COPG2: variants seen among roughly 807,000 people sequenced by gnomAD.
COPG2 encodes coat protein complex I subunit gamma 2.
In COPG2, 37 loss-of-function variants were observed where a neutral mutation model predicts 46.3. That is an observed-to-expected ratio of 0.80 (90% CI 0.61 to 1.05). The LOEUF is 1.05. Ranked by LOEUF, COPG2 falls within the 50% of genes least tolerant of loss-of-function variation. COPG2 has a pLI of 0.00. For synonymous variants in COPG2, 159 were observed against 129.7 expected, an observed-to-expected ratio of 1.23 and a Z score of -1.53; for missense variants, 427 against 387.8, an observed-to-expected ratio of 1.10 and a Z score of -0.85.
At chr7:130,646,959 ATATATATATGTG>A (rs1795611280) in intron 5 of COPG2, among the ~76,000 whole-genome samples, 1 of 700 alleles carries the variant, frequency 1.4e-3, no homozygotes, top group African/African-American at 1.8e-3. Context: ...ATATATATGC[ATATATATATGTG>A]TATATATATA....
chr7:130,630,872 G>A (rs1248949088), intron 5 of COPG2, among the ~76,000 whole-genome samples: 1 of 151,974 alleles, frequency 6.6e-6, no homozygotes, highest in Non-Finnish European at 1.5e-5. Flanking sequence ...AGTTGGATTT[G>A]GCTTTTTTAA....
intron 20 of COPG2, among the ~76,000 whole-genome samples, chr7:130,512,311 T>TAA (rs1198842416): frequency 7.6e-6 from 1 of 132,430 alleles, no homozygotes; most frequent in Admixed American, 7.6e-5. Flanking sequence ...AAACTCCATC[T>TAA]AAAAAAAAAA....
chr7:130,640,932 T>C (rs1180721924), intron 5 of COPG2, among the ~76,000 whole-genome samples: 1 of 152,166 alleles, frequency 6.6e-6, no homozygotes, highest in Non-Finnish European at 1.5e-5. Flanking sequence ...CAAAGTTATA[T>C]GTGTTTCTTT....
At chr7:130,668,130 C>T (rs1452460651) in intron 1 of COPG2, among the ~76,000 whole-genome samples, 2 of 152,196 alleles carry the variant, frequency 1.3e-5, no homozygotes, top group African/African-American at 2.4e-5. Flanking sequence ...AGCTGTGTCC[C>T]ACGGGACAGT....
intron 9 of COPG2, among the ~76,000 whole-genome samples, chr7:130,577,677 C>T (rs1794031295): frequency 6.8e-6 from 1 of 147,250 alleles, no homozygotes; most frequent in African/African-American, 2.5e-5. Flanking sequence ...AGGAGAATGG[C>T]GTGAACCCGG....
chr7:130,643,847 T>C (rs1263944245), intron 5 of COPG2, among the ~76,000 whole-genome samples: 3 of 152,138 alleles, frequency 2.0e-5, no homozygotes, highest in African/African-American at 7.2e-5. Context: ...TACACACCTG[T>C]AGTCCTGGCT....
rs925315158 is a variant in COPG2 at position 130,550,511 on chromosome 7, G to A, written c.1774+13C>T. 23 of 367,096 alleles carry A rather than the reference G, an allele frequency of 6.3e-5. No individual in the cohort carries two copies. The highest frequency in any genetic ancestry group is 9.3e-5 in the Admixed American group (2 of 21,510). The allele number at this position is 367,096 out of a possible 1,614,324, so 22.7% of individuals were successfully genotyped here. A position where few individuals can be genotyped will look rare whatever the true frequency, so the allele number is the denominator to read the frequency against. ...CAAAACTACTTATACACAGAAAAATGAATAGAGTGAACCTGCTTTCTGTTC... is the reference window on the plus strand; with the variant it reads ...CAAAACTACTTATACACAGAAAAATAAATAGAGTGAACCTGCTTTCTGTTC... On this transcript the variant is annotated intron_variant, in intron 17 of 23. Coordinates refer to ENST00000425248, the MANE Select transcript of COPG2 (RefSeq NM_012133.6).
intron 2 of COPG2, 24 bp downstream of exon 2, chr7:130,667,458 G>T: frequency 6.2e-7 from 1 of 1,604,438 alleles, no homozygotes; most frequent in Non-Finnish European, 8.5e-7. Context: ...AAAAGAAAGG[G>T]CACAAGATAC....
intron 10 of COPG2, among the ~76,000 whole-genome samples, chr7:130,563,599 A>G (rs1793752300): frequency 6.6e-6 from 1 of 151,570 alleles, no homozygotes; most frequent in South Asian, 2.1e-4. Flanking sequence ...AAAATGTAAC[A>G]TCAAAATAGA....
Position 130,659,358 on chromosome 7 carries a change from A to AAAAAAAAAAAAAAAC in COPG2, c.243+3608_243+3609insGTTTTTTTTTTTTTT, listed in dbSNP as rs1184249684. On this transcript the variant is annotated intron_variant, in intron 4 of 23. Transcript: ENST00000425248. ...CGACAGAGCAAGACTCCGTCTCAAAAAAAAAAAAAACGAACAAACAAGCAT... is the reference window on the plus strand; with the variant it reads ...CGACAGAGCAAGACTCCGTCTCAAAAAAAAAAAAAAAAAACAAAAAAAAAACGAACAAACAAGCAT... 1.9e-4 allele frequency among the ~76,000 whole-genome samples: 28 copies of AAAAAAAAAAAAAAAC among 149,544 alleles called. 2 individuals carry two copies. The highest frequency in any genetic ancestry group is 1.9e-4 in the Non-Finnish European group (13 of 67,222).
intron 9 of COPG2, among the ~76,000 whole-genome samples, chr7:130,592,176 G>A (rs1794443404): frequency 6.6e-6 from 1 of 152,148 alleles, no homozygotes; most frequent in Non-Finnish European, 1.5e-5. Flanking sequence ...TGCAAGATGT[G>A]CTTTGTTAAA....
At chr7:130,565,981 G>A (rs1793796495) in intron 9 of COPG2, among the ~76,000 whole-genome samples, 1 of 152,110 alleles carries the variant, frequency 6.6e-6, no homozygotes, top group South Asian at 2.1e-4. Flanking sequence ...TGGATGATAG[G>A]AGTTTTCATA....
chr7:130,577,910 G>A (rs1471136875), intron 9 of COPG2, among the ~76,000 whole-genome samples: 2 of 151,738 alleles, frequency 1.3e-5, no homozygotes, highest in East Asian at 1.9e-4. Flanking sequence ...AGGCGGCAGC[G>A]AGGCTGGGGG....
intron 9 of COPG2, among the ~76,000 whole-genome samples, chr7:130,579,990 T>C (rs1414671449): frequency 3.3e-5 from 5 of 150,770 alleles, no homozygotes; most frequent in African/African-American, 1.2e-4. Flanking sequence ...CTGCACCAAG[T>C]GGACCTAATA....
intron 12 of COPG2, among the ~76,000 whole-genome samples, chr7:130,560,229 A>C (rs1161273713): frequency 6.6e-6 from 1 of 152,172 alleles, no homozygotes; most frequent in African/African-American, 2.4e-5. Context: ...GTAAACAATA[A>C]AATAAAAATT....
chr7:130,639,802 C>G (rs1554456930), intron 5 of COPG2, among the ~76,000 whole-genome samples: 1 of 152,210 alleles, frequency 6.6e-6, no homozygotes, highest in African/African-American at 2.4e-5. Context: ...CCCATACCAT[C>G]TGGCAGTCAA....
At chr7:130,531,060 T>G (rs1799819864) in intron 20 of COPG2, among the ~76,000 whole-genome samples, 2 of 38,676 alleles carry the variant, frequency 5.2e-5, no homozygotes, top group Non-Finnish European at 5.4e-5. Flanking sequence ...GAAGGGTGGG[T>G]GGTGGGGATG....
intron 20 of COPG2, among the ~76,000 whole-genome samples, chr7:130,545,636 A>G (rs1793431194): frequency 6.6e-6 from 1 of 152,214 alleles, no homozygotes; most frequent in Admixed American, 6.5e-5. Context: ...TTAAGTAGGT[A>G]TATGATGGGT....
intron 9 of COPG2, among the ~76,000 whole-genome samples, chr7:130,589,012 G>A (rs1204473535): frequency 3.3e-5 from 5 of 151,910 alleles, no homozygotes; most frequent in African/African-American, 1.2e-4. Flanking sequence ...AAATGGCATT[G>A]GCTGTATATT....
Sources: allele counts gnomAD v4.1 joint callset (sites outside exome capture counted in the v4.1 genomes callset), GRCh38; gene constraint gnomAD v4.1.1; transcripts MANE v1.5; gene names NCBI Gene and HGNC (gene_info 2026-07-23, HGNC 2026-07-21).